The following STT3B variants were observed in gnomAD, a reference collection of about 807,000 sequenced individuals.
STT3B encodes the protein STT3 oligosaccharyltransferase complex catalytic subunit B.
STT3B carries 29 observed loss-of-function variants against 96.8 expected under a neutral mutation model. The ratio of observed to expected loss-of-function variants is 0.30; its 90% CI spans 0.22 to 0.41. The LOEUF is 0.41. Among genes scored for constraint, STT3B ranks in the 10% least tolerant of loss-of-function variants. The probability of loss-of-function intolerance (pLI) is 1.00; values close to 1 mark genes in which losing one functional copy is unlikely to be tolerated. For missense variants in STT3B, 640 were observed against 1,022.3 expected, an observed-to-expected ratio of 0.63 and a Z score of 5.10; for synonymous variants, 367 against 360.0, an observed-to-expected ratio of 1.02 and a Z score of -0.22.
At position 31,625,047 on chromosome 3, in the gene STT3B, G is replaced by A; in HGVS notation, c.1861G>A (p.Val621Met). The change falls in exon 12 of 16, where the codon GTG becomes ATG. Residue 621 changes from valine (V) to methionine (M), a missense_variant. Val to Met is a conservative substitution (Grantham distance 21). Around this residue, in one of 8 missense-constraint regions of STT3B, gnomAD observed 149 missense variants for 250.2 expected, o/e 0.60. Coordinates refer to ENST00000295770, the MANE Select transcript of STT3B (RefSeq NM_178862.3). ...TGGAATGGCTAATAGAACTACGTTG[G>A]TGGATAATAACACCTGGAATAACAG... ...IAGMANRTTLVDNNTWNNSHI... is the reference protein window; with the variant it reads ...IAGMANRTTLMDNNTWNNSHI... The A allele has an allele frequency of 1.2e-6, 2 of 1,613,568 alleles. No individual in the cohort carries two copies. Among genetic ancestry groups the A allele is most frequent in the Non-Finnish European group, 1.7e-6 (2 of 1,179,732 alleles).
At chr3:31,601,932 G>A (rs1698938596) in intron 5 of STT3B, among the ~76,000 whole-genome samples, 2 of 152,092 alleles carry the variant, frequency 1.3e-5, no homozygotes, top group Non-Finnish European at 1.5e-5. Context: ...AGCTAATAAC[G>A]GGGCTGAGGC....
intron 11 of STT3B, among the ~76,000 whole-genome samples, chr3:31,624,214 C>T (rs1699486339): frequency 6.6e-6 from 1 of 152,096 alleles, no homozygotes; most frequent in Non-Finnish European, 1.5e-5. Context: ...TACCCGTTAA[C>T]CATCCCCGTG....
chr3:31,548,931 A>G (rs1159392186), intron 1 of STT3B, among the ~76,000 whole-genome samples: 1 of 152,232 alleles, frequency 6.6e-6, no homozygotes, highest in African/African-American at 2.4e-5. Flanking sequence ...TTTGATACTG[A>G]TATGCAATAC....
intron 1 of STT3B, among the ~76,000 whole-genome samples, chr3:31,571,746 A>AC (rs1175366520): frequency 6.6e-5 from 10 of 152,020 alleles, no homozygotes; most frequent in Non-Finnish European, 1.2e-4. Flanking sequence ...GCCATGTATT[A>AC]GGCTCAGATG....
chr3:31,616,876 A>G, intron 6 of STT3B, 53 bp from the exon 7 acceptor site: 1 of 1,508,570 alleles, frequency 6.6e-7, no homozygotes, highest in South Asian at 1.3e-5. Context: ...GAAAGTTTTT[A>G]AATGACCTTG....
At chr3:31,597,038 G>A (rs1698808868) in intron 4 of STT3B, among the ~76,000 whole-genome samples, 175 bp downstream of exon 4, 1 of 151,814 alleles carries the variant, frequency 6.6e-6, no homozygotes, top group South Asian at 2.1e-4. Context: ...TGGTGGAGAG[G>A]GCTAACATTT....
intron 14 of STT3B, among the ~76,000 whole-genome samples, chr3:31,629,882 A>G (rs977433095): frequency 2.0e-5 from 3 of 152,222 alleles, no homozygotes; most frequent in Non-Finnish European, 4.4e-5. Context: ...TTTCTAGTAT[A>G]TTAGAATGAT....
intron 1 of STT3B, among the ~76,000 whole-genome samples, chr3:31,555,281 CTCT>C (rs1697678258): frequency 6.6e-6 from 1 of 152,104 alleles, no homozygotes; most frequent in Non-Finnish European, 1.5e-5. Context: ...ATTTCAAATC[CTCT>C]TGTTATTCTT....
At chr3:31,598,747 T>C (rs894367126) in intron 4 of STT3B, among the ~76,000 whole-genome samples, 2 of 152,120 alleles carry the variant, frequency 1.3e-5, no homozygotes, top group East Asian at 3.8e-4. Context: ...CTTAATGTAG[T>C]AGATACCTAG....
chr3:31,624,208 C>T (rs945177495), intron 11 of STT3B, among the ~76,000 whole-genome samples: 5 of 152,018 alleles, frequency 3.3e-5, no homozygotes, highest in Admixed American at 6.6e-5. Flanking sequence ...TGTTCGTACC[C>T]GTTAACCATC....
chr3:31,546,590 G>A (rs556021044), intron 1 of STT3B, among the ~76,000 whole-genome samples: 37 of 152,322 alleles, frequency 2.4e-4, no homozygotes, highest in African/African-American at 7.9e-4. Context: ...ATGTTGAGAG[G>A]AGATGCATAT....
At chr3:31,584,063 T>C (rs1403186687) in intron 3 of STT3B, among the ~76,000 whole-genome samples, 1 of 152,246 alleles carries the variant, frequency 6.6e-6, no homozygotes, top group Non-Finnish European at 1.5e-5. Flanking sequence ...TTCCTCCACT[T>C]AGGTCTTTGA....
At chr3:31,584,728 T>C (rs1437802875) in intron 3 of STT3B, among the ~76,000 whole-genome samples, 2 of 152,162 alleles carry the variant, frequency 1.3e-5, no homozygotes, top group Non-Finnish European at 2.9e-5. Flanking sequence ...AAATTAGGTT[T>C]ACGGTGGAAA....
intron 1 of STT3B, among the ~76,000 whole-genome samples, chr3:31,544,137 G>A (rs1697346037): frequency 6.6e-6 from 1 of 152,092 alleles, no homozygotes; most frequent in African/African-American, 2.4e-5. Context: ...ATTTGGGTGG[G>A]GTTGGATTAA....
intron 6 of STT3B, 74 bp from the exon 7 acceptor site, chr3:31,616,855 C>A: frequency 7.6e-7 from 1 of 1,319,810 alleles, no homozygotes. Flanking sequence ...TTCTAAGAAG[C>A]TCTTTCAAAT....
intron 3 of STT3B, among the ~76,000 whole-genome samples, chr3:31,595,191 T>C (rs939876140): frequency 1.8e-4 from 28 of 152,198 alleles, no homozygotes; most frequent in Non-Finnish European, 3.5e-4. Context: ...GAGGGTCTTA[T>C]GACCCAAAAT....
rs17027884 is a variant in STT3B, at chr3:31,635,989, C to T, written c.2406C>T (p.Thr802=). 1 of 1,601,610 alleles carries T rather than the reference C, an allele frequency of 6.2e-7. No individual in the cohort carries two copies. The highest frequency in any genetic ancestry group is 1.1e-5 in the South Asian group (1 of 87,986). ...TGTGTTTTGTTTTTTTATAGACTAC[C>T]AAAAGGAAGCGTGGCTACATTAAAA... is the stretch of plus-strand genomic sequence containing the variant. The part of the protein sequence containing the change: ...PKQKYLSKKT[T]KRKRGYIKNK... Residue 802 remains threonine, a synonymous_variant, in exon 16 of 16, where the codon ACC becomes ACT. Transcript: ENST00000295770.
intron 3 of STT3B, among the ~76,000 whole-genome samples, chr3:31,580,745 C>G (rs933890027): frequency 1.3e-5 from 2 of 151,800 alleles, no homozygotes; most frequent in East Asian, 3.9e-4. Context: ...TATTTTTGCT[C>G]TAGCATGGAA....
At chr3:31,571,327 A>G (rs1250810063) in intron 1 of STT3B, among the ~76,000 whole-genome samples, 2 of 151,966 alleles carry the variant, frequency 1.3e-5, no homozygotes, top group Non-Finnish European at 1.5e-5. Context: ...AGAGAAGCAA[A>G]TAAGCCAGTT....
Sources: allele counts gnomAD v4.1 joint callset (sites outside exome capture counted in the v4.1 genomes callset), GRCh38; gene constraint gnomAD v4.1.1; regional missense constraint gnomAD v4.1.1; transcripts MANE v1.5; gene names NCBI Gene and HGNC (gene_info 2026-07-23, HGNC 2026-07-21).